The following RPS6KB1 variants were observed in gnomAD, a reference collection of about 807,000 sequenced individuals.
The protein encoded by RPS6KB1 is ribosomal protein S6 kinase B1.
A neutral mutation model predicts 70.2 loss-of-function variants in RPS6KB1; 12 were observed. The ratio of observed to expected loss-of-function variants is 0.17; its 90% CI spans 0.11 to 0.28. RPS6KB1 has a LOEUF of 0.28. RPS6KB1 is among the 10% of genes least tolerant of loss of function. The pLI, the probability that RPS6KB1 is intolerant of heterozygous loss-of-function variation, is 1.00. For synonymous variants in RPS6KB1, 175 were observed against 211.2 expected (o/e 0.83, Z 1.49); for missense variants, 270 against 646.6 (o/e 0.42, Z 6.32).
intron 4 of RPS6KB1, among the ~76,000 whole-genome samples, chr17:59,914,968 G>GA (rs562522280): frequency 5.1e-4 from 78 of 151,546 alleles, no homozygotes; most frequent in African/African-American, 1.8e-3. Flanking sequence ...GTCTCTTACA[G>GA]AAAAAATGTA....
chr17:59,918,621 C>T (rs890437420), intron 4 of RPS6KB1, among the ~76,000 whole-genome samples: 4 of 151,708 alleles, frequency 2.6e-5, no homozygotes, highest in African/African-American at 4.8e-5. Flanking sequence ...ACGTCCACCT[C>T]GGCATCCCAA....
At chr17:59,908,186 C>CA (rs1426262558) in intron 1 of RPS6KB1, among the ~76,000 whole-genome samples, 1 of 151,504 alleles carries the variant, frequency 6.6e-6, no homozygotes, top group Admixed American at 6.6e-5. Context: ...TCATAATACA[C>CA]AAAATATACA....
rs2045153607 is a variant in RPS6KB1 at position 59,950,482 on chromosome 17, T to C, written c.*3694T>C. Reference sequence around the variant, plus strand: ...AGATAGGAAGGAATTAGTATACGTATCAGGTGTATAAATGGTTTAAATTTA... The same window carrying C: ...AGATAGGAAGGAATTAGTATACGTACCAGGTGTATAAATGGTTTAAATTTA... On this transcript the variant is annotated 3_prime_UTR_variant, in exon 15 of 15. Transcript: ENST00000225577. 6.9e-6 allele frequency: 1 copy of C among 144,668 alleles called. No individual in the cohort carries two copies. The allele number at this position is 144,668 out of a possible 1,614,324, so 9.0% of individuals were successfully genotyped here.
At chr17:59,911,287 G>A (rs1264858822) in intron 2 of RPS6KB1, among the ~76,000 whole-genome samples, 2 of 152,194 alleles carry the variant, frequency 1.3e-5, no homozygotes, top group African/African-American at 4.8e-5. Flanking sequence ...TAGTGTAGGA[G>A]GAGAATGAGA....
chr17:59,928,171 CACAA>C (rs1413432733), intron 5 of RPS6KB1, among the ~76,000 whole-genome samples: 1 of 126,940 alleles, frequency 7.9e-6, no homozygotes, highest in Non-Finnish European at 1.7e-5. Context: ...CACACACACA[CACAA>C]AATAAAAGAA....
At chr17:59,898,770 T>G (rs1307597556) in intron 1 of RPS6KB1, among the ~76,000 whole-genome samples, 1 of 151,752 alleles carries the variant, frequency 6.6e-6, no homozygotes, top group Admixed American at 6.6e-5. Context: ...AGCAACTATT[T>G]TTAAATAGCC....
chr17:59,899,161 G>A (rs894145197), intron 1 of RPS6KB1, among the ~76,000 whole-genome samples: 8 of 150,252 alleles, frequency 5.3e-5, no homozygotes, highest in Non-Finnish European at 1.2e-4. Flanking sequence ...CCAAGATCGC[G>A]CCATTGTTCT....
chr17:59,901,307 G>A (rs1254918723), intron 1 of RPS6KB1, among the ~76,000 whole-genome samples: 47 of 151,262 alleles, frequency 3.1e-4, no homozygotes, highest in African/African-American at 1.1e-3. Context: ...CCGCCACCAC[G>A]CCCGGCTAAT....
Position 59,931,763 on chromosome 17 carries a change from C to T in RPS6KB1, c.688+41C>T, listed in dbSNP as rs563838659. 1.6e-4 allele frequency: 230 copies of T among 1,397,280 alleles called. 1 individual carries two copies. The highest frequency in any genetic ancestry group is 1.3e-3 in the Admixed American group (70 of 55,282). The allele number at this position is 1,397,280 out of a possible 1,614,324, so 86.6% of individuals were successfully genotyped here. A position where few individuals can be genotyped will look rare whatever the true frequency, so the allele number is the denominator to read the frequency against. On this transcript the variant is annotated intron_variant, in intron 7 of 14. Coordinates refer to ENST00000225577, the MANE Select transcript of RPS6KB1 (RefSeq NM_003161.4). ...AAACAATTCTATAGTAAATAATCAT[C>T]TTAAAATCCTCCCACATAGGTCGTG...
At chr17:59,903,634 A>G (rs1433574073) in intron 1 of RPS6KB1, among the ~76,000 whole-genome samples, 1 of 152,154 alleles carries the variant, frequency 6.6e-6, no homozygotes, top group Non-Finnish European at 1.5e-5. Context: ...GAACTTTTCC[A>G]ACACGGTTGC....
chr17:59,916,348 C>T (rs927320743), intron 4 of RPS6KB1, among the ~76,000 whole-genome samples: 3 of 152,198 alleles, frequency 2.0e-5, no homozygotes, highest in African/African-American at 7.2e-5. Context: ...GATCGGCCCG[C>T]CTTGACCTCC....
At chr17:59,915,123 G>A (rs552066481) in intron 4 of RPS6KB1, among the ~76,000 whole-genome samples, 1 of 151,938 alleles carries the variant, frequency 6.6e-6, no homozygotes, top group South Asian at 2.1e-4. Context: ...CGAGTAGCTG[G>A]GACTACAGGT....
intron 5 of RPS6KB1, among the ~76,000 whole-genome samples, chr17:59,928,010 T>C (rs1278428002): frequency 6.6e-6 from 1 of 151,344 alleles, no homozygotes; most frequent in Non-Finnish European, 1.5e-5. Context: ...ATAGAAAAAT[T>C]AGCTGGGTAT....
chr17:59,901,009 A>G (rs1389569920), intron 1 of RPS6KB1, among the ~76,000 whole-genome samples: 1 of 151,678 alleles, frequency 6.6e-6, no homozygotes. Context: ...TAATAATACA[A>G]AAATACCCAG....
chr17:59,938,134 AGTT>A (rs1210335050), intron 12 of RPS6KB1, among the ~76,000 whole-genome samples: 1 of 112,144 alleles, frequency 8.9e-6, no homozygotes, highest in African/African-American at 3.3e-5. Flanking sequence ...CAGTTTCCTT[AGTT>A]GTTTTTTTTT....
intron 5 of RPS6KB1, among the ~76,000 whole-genome samples, chr17:59,928,050 C>T (rs1478420719): frequency 6.6e-6 from 1 of 151,462 alleles, no homozygotes. Context: ...CCCAGCTACT[C>T]GGGAGGCTGA....
Position 59,946,904 on chromosome 17 carries a change from A to G in RPS6KB1, c.*116A>G. On this transcript the variant is annotated 3_prime_UTR_variant, in exon 15 of 15. Coordinates refer to ENST00000225577, the MANE Select transcript of RPS6KB1 (RefSeq NM_003161.4). The surrounding 1 kb of genome is among the most constrained non-coding windows in gnomAD (Gnocchi z 4.2). ...TTTCAGAGAGTCAATGTCATTACAT[A>G]GAACACTTCAGACACAGGAAAAATA... is the stretch of plus-strand genomic sequence containing the variant. The G allele has an allele frequency of 4.5e-6, 7 of 1,539,380 alleles. No homozygotes were observed. The highest frequency in any genetic ancestry group is 6.1e-6 in the Non-Finnish European group (7 of 1,144,244).
intron 12 of RPS6KB1, among the ~76,000 whole-genome samples, chr17:59,939,611 T>G (rs1242687744): frequency 6.6e-6 from 1 of 152,238 alleles, no homozygotes; most frequent in Non-Finnish European, 1.5e-5. Flanking sequence ...AATTTTTCCC[T>G]TCGTTGAATG....
chr17:59,937,655 T>C (rs76809323), intron 12 of RPS6KB1, among the ~76,000 whole-genome samples: 206 of 148,242 alleles, frequency 1.4e-3, no homozygotes, highest in East Asian at 3.2e-3. Context: ...ATTTCCCCTT[T>C]TTATAAGGAT....
Sources: gnomAD v4.1 joint callset for allele counts (sites outside exome capture counted in the v4.1 genomes callset) on GRCh38, gnomAD v4.1.1 for gene constraint, Gnocchi (gnomAD v3.1) non-coding constraint, MANE v1.5 for transcripts, NCBI Gene and HGNC (gene_info 2026-07-23, HGNC 2026-07-21) for gene names.